LRRC4C: variants seen among roughly 807,000 people sequenced by gnomAD.
LRRC4C encodes the protein leucine rich repeat containing 4C, also known as leucine-rich repeat-containing protein 4C.
LRRC4C carries 5 observed loss-of-function variants against 33.6 expected under a neutral mutation model. The ratio of observed to expected loss-of-function variants is 0.15; its 90% CI spans 0.08 to 0.31. LRRC4C has a LOEUF of 0.31. Among genes scored for constraint, LRRC4C ranks in the 10% least tolerant of loss-of-function variants. LRRC4C has a pLI of 1.00. For synonymous variants in LRRC4C, 329 were observed against 302.0 expected (o/e 1.09, Z -0.93); for missense variants, 560 against 796.7 (o/e 0.70, Z 3.58).
At chr11:40,903,144 T>C (rs537365794) in intron 2 of LRRC4C, among the ~76,000 whole-genome samples, 1 of 152,270 alleles carries the variant, frequency 6.6e-6, no homozygotes, top group South Asian at 2.1e-4. Context: ...GTCTCTATGT[T>C]GATGCTAATG....
intron 1 of LRRC4C, among the ~76,000 whole-genome samples, chr11:41,408,943 A>G (rs1437249648): frequency 6.6e-6 from 1 of 152,130 alleles, no homozygotes; most frequent in East Asian, 1.9e-4. Flanking sequence ...TTATAACTAA[A>G]GGCAACGCAG....
chr11:40,795,472 A>G (rs1403955948), intron 2 of LRRC4C, among the ~76,000 whole-genome samples: 1 of 152,010 alleles, frequency 6.6e-6, no homozygotes, highest in Non-Finnish European at 1.5e-5. Flanking sequence ...GGAGCTTGCA[A>G]TGAGCCGAGA....
intron 3 of LRRC4C, among the ~76,000 whole-genome samples, chr11:40,557,570 A>C (rs1049168387): frequency 6.6e-6 from 1 of 152,144 alleles, no homozygotes; most frequent in African/African-American, 2.4e-5. Flanking sequence ...TTATCCATTG[A>C]AGCACCATCA....
chr11:40,619,470 C>G (rs977938704), intron 3 of LRRC4C, among the ~76,000 whole-genome samples: 2 of 151,640 alleles, frequency 1.3e-5, no homozygotes, highest in Non-Finnish European at 3.0e-5. Context: ...GAAGACTGAA[C>G]AGATACTCAT....
chr11:41,146,477 T>C (rs1011106978), intron 1 of LRRC4C, among the ~76,000 whole-genome samples: 1 of 152,194 alleles, frequency 6.6e-6, no homozygotes, highest in African/African-American at 2.4e-5. Context: ...AGAAAAACAA[T>C]GAACTCAGTA....
intron 1 of LRRC4C, among the ~76,000 whole-genome samples, chr11:41,293,150 T>C (rs1391664930): frequency 6.6e-6 from 1 of 152,126 alleles, no homozygotes; most frequent in South Asian, 2.1e-4. Flanking sequence ...TATAACACAA[T>C]ATATATGATG....
At chr11:41,139,560 C>T (rs1196929805) in intron 1 of LRRC4C, among the ~76,000 whole-genome samples, 1 of 152,076 alleles carries the variant, frequency 6.6e-6, no homozygotes, top group African/African-American at 2.4e-5. Flanking sequence ...CTAGAATAGA[C>T]CTCAAAAACT....
intron 4 of LRRC4C, among the ~76,000 whole-genome samples, chr11:40,262,376 T>C (rs974377067): frequency 3.3e-5 from 5 of 152,196 alleles, no homozygotes; most frequent in Admixed American, 3.3e-4. Flanking sequence ...TGCTTTCCAC[T>C]GTTGGTGGGA....
chr11:40,544,908 A>C (rs1956856530), intron 3 of LRRC4C, among the ~76,000 whole-genome samples: 1 of 151,982 alleles, frequency 6.6e-6, no homozygotes, highest in Non-Finnish European at 1.5e-5. Flanking sequence ...TTCACTGTCT[A>C]ATCTCATCTA....
At chr11:41,128,952 A>G (rs1486704445) in intron 1 of LRRC4C, among the ~76,000 whole-genome samples, 1 of 152,044 alleles carries the variant, frequency 6.6e-6, no homozygotes, top group East Asian at 1.9e-4. Flanking sequence ...TTATATCACT[A>G]CAATAATTAG....
intron 1 of LRRC4C, among the ~76,000 whole-genome samples, chr11:41,376,091 T>C (rs1213725273): frequency 6.6e-6 from 1 of 151,486 alleles, no homozygotes; most frequent in Non-Finnish European, 1.5e-5. Flanking sequence ...ATTAATTGTA[T>C]TTGTATAAAA....
intron 1 of LRRC4C, among the ~76,000 whole-genome samples, chr11:41,225,309 T>C (rs1276035402): frequency 6.6e-6 from 1 of 152,160 alleles, no homozygotes; most frequent in African/African-American, 2.4e-5. Flanking sequence ...ACTGGATTGT[T>C]TGTAACACAA....
At chr11:41,430,841 CACTT>C (rs1268185970) in intron 1 of LRRC4C, among the ~76,000 whole-genome samples, 1 of 151,766 alleles carries the variant, frequency 6.6e-6, no homozygotes, top group African/African-American at 2.4e-5. Flanking sequence ...TCATTAAGGG[CACTT>C]ACTTACTAGT....
chr11:40,859,094 A>C (rs1953947944), intron 2 of LRRC4C, among the ~76,000 whole-genome samples: 1 of 152,214 alleles, frequency 6.6e-6, no homozygotes, highest in African/African-American at 2.4e-5. Flanking sequence ...CTGCAGTGAT[A>C]TAGAACGTAG....
chr11:40,580,936 T>C (rs924174699), intron 3 of LRRC4C, among the ~76,000 whole-genome samples: 1 of 152,258 alleles, frequency 6.6e-6, no homozygotes, highest in Admixed American at 6.5e-5. Context: ...AATGAATGAT[T>C]TCAGATATAT....
intron 5 of LRRC4C, among the ~76,000 whole-genome samples, chr11:40,194,090 T>A (rs1035884262): frequency 1.3e-5 from 2 of 152,046 alleles, no homozygotes; most frequent in African/African-American, 4.8e-5. Flanking sequence ...ACATTCAAAT[T>A]CAGGAAATAC....
chr11:40,245,698 A>G (rs538556114), intron 4 of LRRC4C, among the ~76,000 whole-genome samples: 1 of 152,278 alleles, frequency 6.6e-6, no homozygotes, highest in Non-Finnish European at 1.5e-5. Context: ...CAATCAAATT[A>G]TTAATCTATT....
intron 1 of LRRC4C, among the ~76,000 whole-genome samples, chr11:41,172,185 T>C: frequency 6.6e-6 from 1 of 152,252 alleles, no homozygotes; most frequent in African/African-American, 2.4e-5. Context: ...AAACATTCAA[T>C]GTGCCAAGCT....
intron 3 of LRRC4C, among the ~76,000 whole-genome samples, chr11:40,452,000 G>A (rs1434195835): frequency 3.3e-5 from 5 of 152,116 alleles, no homozygotes; most frequent in Admixed American, 1.3e-4. Flanking sequence ...GTGAGGAATC[G>A]CCTCACCCAG....
Sources: gnomAD v4.1 joint callset for allele counts (sites outside exome capture counted in the v4.1 genomes callset) on GRCh38, gnomAD v4.1.1 for gene constraint, MANE v1.5 for transcripts, NCBI Gene and HGNC (gene_info 2026-07-23, HGNC 2026-07-21) for gene names.